The following VIT variants were observed in gnomAD, a reference collection of about 807,000 sequenced individuals.
The protein encoded by VIT is vitrin.
A neutral mutation model predicts 78.0 loss-of-function variants in VIT; 99 were observed. That is an observed-to-expected ratio of 1.27 (90% CI 1.08 to 1.50). The LOEUF (loss-of-function observed/expected upper bound fraction) is 1.50, where lower values mean the gene tolerates loss of function less well. Among genes scored for constraint, VIT ranks in the 40% most tolerant of loss-of-function variants. The probability of loss-of-function intolerance (pLI) is 0.00; values close to 1 mark genes in which losing one functional copy is unlikely to be tolerated. For missense variants in VIT, 1,126 were observed against 875.3 expected, an observed-to-expected ratio of 1.29 and a Z score of -3.61; for synonymous variants, 374 against 334.3, an observed-to-expected ratio of 1.12 and a Z score of -1.29.
intron 9 of VIT, among the ~76,000 whole-genome samples, chr2:36,776,922 T>C (rs755771663): frequency 7.3e-4 from 109 of 150,248 alleles, no homozygotes; most frequent in Admixed American, 1.3e-3. Context: ...ACTCCGTCTC[T>C]ACTAAAAACA....
chr2:36,763,039 C>G (rs1242879639), intron 6 of VIT, among the ~76,000 whole-genome samples: 1 of 152,156 alleles, frequency 6.6e-6, no homozygotes, highest in Non-Finnish European at 1.5e-5. Context: ...AAGGCACATT[C>G]CTAGTATCAC....
intron 1 of VIT, among the ~76,000 whole-genome samples, chr2:36,697,653 C>A (rs1423798022): frequency 6.6e-6 from 1 of 152,202 alleles, no homozygotes; most frequent in East Asian, 1.9e-4. Context: ...GATTTGTGTC[C>A]AACTAGTATA....
chr2:36,779,856 C>G (rs1664619242), intron 9 of VIT, among the ~76,000 whole-genome samples: 1 of 152,190 alleles, frequency 6.6e-6, no homozygotes, highest in African/African-American at 2.4e-5. Flanking sequence ...ACATTTACCT[C>G]CTTCAAGTCT....
At chr2:36,714,679 C>A (rs1261956134) in intron 1 of VIT, among the ~76,000 whole-genome samples, 1 of 152,166 alleles carries the variant, frequency 6.6e-6, no homozygotes, top group Non-Finnish European at 1.5e-5. Context: ...CAAACTTCTC[C>A]CTTATTGCCT....
At chr2:36,754,431 A>T (rs1443372589) in intron 4 of VIT, among the ~76,000 whole-genome samples, 4 of 152,126 alleles carry the variant, frequency 2.6e-5, no homozygotes, top group African/African-American at 4.8e-5. Flanking sequence ...TTAAAGAAAC[A>T]ATTTTCCATC....
At chr2:36,756,215 C>T (rs1027082405) in intron 5 of VIT, among the ~76,000 whole-genome samples, 9 of 152,108 alleles carry the variant, frequency 5.9e-5, no homozygotes, top group Non-Finnish European at 1.2e-4. Flanking sequence ...ACCTCGGCCT[C>T]CCAAAGTGCT....
chr2:36,805,095 G>A (rs1666610046), intron 13 of VIT, among the ~76,000 whole-genome samples: 1 of 152,042 alleles, frequency 6.6e-6, no homozygotes, highest in Admixed American at 6.6e-5. Flanking sequence ...TTGAGCCCAT[G>A]AGTTTGAGAC....
intron 12 of VIT, among the ~76,000 whole-genome samples, chr2:36,799,217 G>A (rs1225653741): frequency 1.3e-5 from 2 of 152,176 alleles, no homozygotes; most frequent in Non-Finnish European, 2.9e-5. Context: ...AGGGATGGAG[G>A]AAAGGAAGCG....
At chr2:36,795,475 C>T (rs11888678) in intron 12 of VIT, among the ~76,000 whole-genome samples, 13,501 of 151,572 alleles carry the variant, frequency 0.089, 809 homozygotes, top group African/African-American at 0.18. Flanking sequence ...TGCCCTGGCG[C>T]GATCTCAGCT....
intron 1 of VIT, among the ~76,000 whole-genome samples, chr2:36,706,504 C>T (rs1349165623): frequency 1.3e-5 from 2 of 152,128 alleles, no homozygotes; most frequent in Admixed American, 1.3e-4. Flanking sequence ...TCTCCCCCTG[C>T]TCCTCCCAGG....
intron 1 of VIT, among the ~76,000 whole-genome samples, chr2:36,703,531 G>A (rs563156691): frequency 1.3e-5 from 2 of 152,300 alleles, no homozygotes; most frequent in Non-Finnish European, 2.9e-5. Flanking sequence ...TTACTTAGAT[G>A]GGTGTGTTAT....
Position 36,767,096 on chromosome 2 carries a change from G to A in VIT, c.490G>A (p.Glu164Lys), listed in dbSNP as rs1187955847. The change falls in exon 7 of 16, where the codon GAG (glutamate) becomes AAG (lysine). Residue 164 changes from glutamate (E) to lysine (K), a missense_variant and splice_region_variant. Physicochemically the swap from Glu to Lys is moderately conservative, Grantham distance 56 (BLOSUM62 1). Transcript: ENST00000379242. The part of the protein sequence containing the change: ...SSKSPAAQAG[E>K]TTKAYQRPPI... ...GGTATAATTCCATTTTCTTACAGGT[G>A]AGACCACAAAAGCCTATCAGAGGCC... 2 of 1,590,484 alleles carry A rather than the reference G, an allele frequency of 1.3e-6. No individual in the cohort carries two copies. Among genetic ancestry groups the A allele is most frequent in the South Asian group, 1.1e-5 (1 of 87,346 alleles).
At chr2:36,710,348 A>G (rs996120071) in intron 1 of VIT, among the ~76,000 whole-genome samples, 7 of 152,160 alleles carry the variant, frequency 4.6e-5, no homozygotes, top group African/African-American at 1.7e-4. Flanking sequence ...CCCTGATACA[A>G]CCACTGTTAG....
At chr2:36,809,374 T>C (rs909983074) in intron 15 of VIT, among the ~76,000 whole-genome samples, 2 of 152,252 alleles carry the variant, frequency 1.3e-5, no homozygotes, top group African/African-American at 4.8e-5. Context: ...TATGTCAAAT[T>C]GTACTGGTAC....
chr2:36,790,195 C>A (rs1665390215), intron 12 of VIT, among the ~76,000 whole-genome samples: 1 of 152,150 alleles, frequency 6.6e-6, no homozygotes, highest in African/African-American at 2.4e-5. Flanking sequence ...GTTTTGGGTA[C>A]ACGGAACAGA....
chr2:36,781,175 T>C (rs1488825697), intron 9 of VIT, among the ~76,000 whole-genome samples: 1 of 152,178 alleles, frequency 6.6e-6, no homozygotes, highest in East Asian at 1.9e-4. Context: ...TTGTTCAGTG[T>C]AGTTCCAAGG....
At chr2:36,702,915 G>C (rs1049187070) in intron 1 of VIT, among the ~76,000 whole-genome samples, 5 of 152,172 alleles carry the variant, frequency 3.3e-5, no homozygotes, top group Non-Finnish European at 4.4e-5. Flanking sequence ...TGGGCAACTG[G>C]TAAGCTCTGT....
At chr2:36,759,698 C>T in intron 6 of VIT, 3 of 985,152 alleles carry the variant, frequency 3.0e-6, no homozygotes, top group Non-Finnish European at 3.6e-6. Flanking sequence ...GCATTGCTTC[C>T]AGAAACTTGA....
Position 36,759,023 on chromosome 2 carries a change from C to G in VIT, c.464C>G (p.Ser155Trp). ...CCATCAGCTCTTACATACTCATCAT[C>G]GAAAAGTCCAGCTGCCCAAGCAGGC... ...TYPSALTYSS[S>W]KSPAAQAGET... The change falls in exon 6 of 16, where the codon TCG becomes TGG. Residue 155 changes from serine (S) to tryptophan (W), a missense_variant. Transcript: ENST00000379242. The G allele has an allele frequency of 6.2e-7, 1 of 1,614,008 alleles. No homozygotes were observed. The highest frequency in any genetic ancestry group is 1.1e-5 in the South Asian group (1 of 91,076).
Sources: allele counts gnomAD v4.1 joint callset (sites outside exome capture counted in the v4.1 genomes callset), GRCh38; gene constraint gnomAD v4.1.1; transcripts MANE v1.5; gene names NCBI Gene and HGNC (gene_info 2026-07-23, HGNC 2026-07-21).